The following SLC45A4 variants were observed in gnomAD, a reference collection of about 807,000 sequenced individuals.
SLC45A4 encodes the protein polyamine-transporter SLC45A4.
A neutral mutation model predicts 63.7 loss-of-function variants in SLC45A4; 32 were observed. The ratio of observed to expected loss-of-function variants is 0.50; its 90% CI spans 0.38 to 0.67. The LOEUF (loss-of-function observed/expected upper bound fraction) is 0.67. Ranked by LOEUF, SLC45A4 falls within the 30% of genes least tolerant of loss-of-function variation. SLC45A4 has a pLI of 0.00. For synonymous variants in SLC45A4, 535 were observed against 510.0 expected (o/e 1.05, Z -0.66); for missense variants, 1,027 against 1,157.7 (o/e 0.89, Z 1.64).
chr8:141,239,594 ACACACG>A (rs149028516), intron 2 of SLC45A4, among the ~76,000 whole-genome samples: 6 of 151,736 alleles, frequency 4.0e-5, no homozygotes, highest in South Asian at 2.1e-4. Flanking sequence ...ACACACACAC[ACACACG>A]CACGCACACA....
chr8:141,239,883 G>C (rs1395765837), intron 2 of SLC45A4, among the ~76,000 whole-genome samples: 1 of 152,184 alleles, frequency 6.6e-6, no homozygotes, highest in Non-Finnish European at 1.5e-5. Context: ...AGCATAGAAT[G>C]GTCAGGGCCC....
At chr8:141,302,338 C>A (rs976310453) in intron 1 of SLC45A4, among the ~76,000 whole-genome samples, 13 of 152,070 alleles carry the variant, frequency 8.5e-5, no homozygotes, top group Admixed American at 7.9e-4. Context: ...TGGCTCACTG[C>A]AACCTCCACG....
chr8:141,228,047 G>A, intron 2 of SLC45A4: 2 of 1,089,266 alleles, frequency 1.8e-6, no homozygotes, highest in South Asian at 1.4e-5. Context: ...ATTTCTAGAG[G>A]GTGAGGCAGA....
chr8:141,296,304 T>C (rs1247394642), intron 1 of SLC45A4, among the ~76,000 whole-genome samples: 2 of 151,036 alleles, frequency 1.3e-5, no homozygotes, highest in Non-Finnish European at 3.0e-5. Context: ...CACTGCACTT[T>C]AGCCTGGGCA....
chr8:141,299,099 G>A (rs1830659209), intron 1 of SLC45A4, among the ~76,000 whole-genome samples: 1 of 152,146 alleles, frequency 6.6e-6, no homozygotes, highest in South Asian at 2.1e-4. Flanking sequence ...CTTCTCAGGC[G>A]CTTACTGAGT....
intron 2 of SLC45A4, among the ~76,000 whole-genome samples, chr8:141,241,948 C>T (rs1589802811): frequency 2.6e-5 from 4 of 152,348 alleles, no homozygotes; most frequent in East Asian, 1.9e-4. Flanking sequence ...CATACAGGGA[C>T]AAGACAAGGG....
rs1382263099 is a variant in SLC45A4, at chr8:141,208,386, T to G, written c.*3186A>C. On this transcript the variant is annotated 3_prime_UTR_variant, in exon 9 of 9. Transcript: ENST00000517878. ...CCCTCTTGTTGCTGCAGGGACGGCT[T>G]CCTGTTCAGCTCTGGGGTTCTAGGT... The G allele has an allele frequency of 6.6e-6, 1 of 151,878 alleles. No individual in the cohort carries two copies. Among genetic ancestry groups the G allele is most frequent in the Non-Finnish European group, 1.5e-5 (1 of 67,944 alleles). The allele number at this position is 151,878 out of a possible 1,614,324, so 9.4% of individuals were successfully genotyped here. A position where few individuals can be genotyped will look rare whatever the true frequency, so the allele number is the denominator to read the frequency against.
intron 2 of SLC45A4, among the ~76,000 whole-genome samples, chr8:141,222,350 T>G (rs1410407966): frequency 6.6e-6 from 1 of 152,070 alleles, no homozygotes; most frequent in Non-Finnish European, 1.5e-5. Context: ...GGCCACTGAG[T>G]GGGGGCAGGG....
At chr8:141,240,485 G>C (rs1827858225) in intron 2 of SLC45A4, among the ~76,000 whole-genome samples, 1 of 152,260 alleles carries the variant, frequency 6.6e-6, no homozygotes, top group African/African-American at 2.4e-5. Flanking sequence ...CAACGGAGCT[G>C]AGCGTGACTC....
intron 1 of SLC45A4, among the ~76,000 whole-genome samples, chr8:141,301,659 G>T (rs7836656): frequency 3.4e-5 from 5 of 148,998 alleles, no homozygotes; most frequent in Admixed American, 1.3e-4. Flanking sequence ...CACTTGAGCC[G>T]GGGAGGTCGA....
chr8:141,273,728 C>T (rs571610857), intron 1 of SLC45A4, among the ~76,000 whole-genome samples: 2 of 151,998 alleles, frequency 1.3e-5, no homozygotes, highest in South Asian at 2.1e-4. Context: ...CAAATCAAAG[C>T]GGTTTCCAGG....
chr8:141,301,080 T>C (rs1191252235), intron 1 of SLC45A4, among the ~76,000 whole-genome samples: 1 of 152,114 alleles, frequency 6.6e-6, no homozygotes, highest in African/African-American at 2.4e-5. Context: ...GAAGCTGCTG[T>C]GGAGAAAGTC....
chr8:141,245,859 G>A lies in SLC45A4; in HGVS notation c.241+8130C>T, dbSNP rs115087306. 6.6e-3 allele frequency among the ~76,000 whole-genome samples: 1,000 copies of A among 152,276 alleles called. 11 individuals carry two copies. Among genetic ancestry groups the A allele is most frequent in the African/African-American group, 0.023 (948 of 41,552 alleles). On this transcript the variant is annotated intron_variant, in intron 2 of 8. Coordinates refer to ENST00000517878, the MANE Select transcript of SLC45A4 (RefSeq NM_001286646.2). The stretch of plus-strand genomic sequence containing the variant: ...GGCTAAGGATGGTGCAGGCTGAATT[G>A]CTTTAGGAAACTGCCATCAAGGGCC...
intron 1 of SLC45A4, among the ~76,000 whole-genome samples, chr8:141,293,952 T>TTTA (rs200889269): frequency 0.046 from 6,476 of 141,378 alleles, 191 homozygotes; most frequent in Middle Eastern, 0.089. Flanking sequence ...AAAAAGTAAA[T>TTTA]GTAAAAAAAA....
chr8:141,207,512 G>A lies in SLC45A4; in HGVS notation c.*4060C>T, dbSNP rs539793807. 4 of 152,256 alleles carry A rather than the reference G, an allele frequency of 2.6e-5. No individual in the cohort carries two copies. The highest frequency in any genetic ancestry group is 2.1e-4 in the South Asian group (1 of 4,838). The allele number at this position is 152,256 out of a possible 1,614,324, so 9.4% of individuals were successfully genotyped here. On this transcript the variant is annotated 3_prime_UTR_variant, in exon 9 of 9. Transcript: ENST00000517878. ...CCACCACTGCTAACTCAGCAAGCGC[G>A]ATTACAGTGCTCCAACTTAATAAGT...
intron 4 of SLC45A4, among the ~76,000 whole-genome samples, chr8:141,219,249 G>A (rs1569558070): frequency 6.6e-6 from 1 of 152,246 alleles, no homozygotes; most frequent in Admixed American, 6.5e-5. Context: ...GATCAATGAA[G>A]GGCAGACTAC....
chr8:141,233,378 G>A (rs1261788308), intron 2 of SLC45A4, among the ~76,000 whole-genome samples: 1 of 152,138 alleles, frequency 6.6e-6, no homozygotes, highest in East Asian at 1.9e-4. Context: ...TAAAGATCTT[G>A]GGTATTTAAA....
At chr8:141,284,809 C>A (rs1830079250) in intron 1 of SLC45A4, among the ~76,000 whole-genome samples, 1 of 152,144 alleles carries the variant, frequency 6.6e-6, no homozygotes, top group African/African-American at 2.4e-5. Context: ...CCCTCCGCAC[C>A]CCAGGAGGCC....
chr8:141,234,526 C>T (rs959717982), intron 2 of SLC45A4, among the ~76,000 whole-genome samples: 1 of 152,222 alleles, frequency 6.6e-6, no homozygotes, highest in Non-Finnish European at 1.5e-5. Context: ...CAAACAGGGT[C>T]GCAGGTGGCC....
Sources: allele counts gnomAD v4.1 joint callset (sites outside exome capture counted in the v4.1 genomes callset), GRCh38; gene constraint gnomAD v4.1.1; transcripts MANE v1.5; gene names NCBI Gene and HGNC (gene_info 2026-07-23, HGNC 2026-07-21).